The following ELAPOR1 variants were observed in gnomAD, a reference collection of about 807,000 sequenced individuals.
ELAPOR1 encodes endosome/lysosome-associated apoptosis and autophagy regulator 1.
Under a neutral mutation model 119.7 loss-of-function variants are expected in ELAPOR1, and 77 were observed. The observed-to-expected ratio is 0.64, with a 90% CI of 0.54 to 0.78. ELAPOR1 has a LOEUF of 0.78. ELAPOR1 is among the 30% of genes least tolerant of loss of function. The probability of loss-of-function intolerance (pLI) is 0.00; values close to 1 mark genes in which losing one functional copy is unlikely to be tolerated. For missense variants in ELAPOR1, 1,115 were observed against 1,270.4 expected, an observed-to-expected ratio of 0.88 and a Z score of 1.86; for synonymous variants, 481 against 487.2, an observed-to-expected ratio of 0.99 and a Z score of 0.17.
chr1:109,195,646 A>G (rs916744276), intron 15 of ELAPOR1, among the ~76,000 whole-genome samples: 3 of 152,232 alleles, frequency 2.0e-5, no homozygotes, highest in African/African-American at 4.8e-5. Context: ...GATAAAATCA[A>G]CTGTTTCTAG....
intron 18 of ELAPOR1, 86 bp downstream of exon 18, chr1:109,198,760 CAAAAAAG>C (rs1176038113): frequency 6.5e-6 from 8 of 1,223,534 alleles, no homozygotes; most frequent in African/African-American, 4.6e-5. Flanking sequence ...TGAAAAAGAG[CAAAAAAG>C]AAAAGAGTTT....
chr1:109,197,102 G>A (rs995267539), intron 15 of ELAPOR1, among the ~76,000 whole-genome samples: 9 of 147,014 alleles, frequency 6.1e-5, no homozygotes, highest in African/African-American at 2.3e-4. Flanking sequence ...AGGAGTTCAA[G>A]ACCAGCCTGA....
At chr1:109,174,122 C>T (rs1459742823) in intron 7 of ELAPOR1, among the ~76,000 whole-genome samples, 1 of 151,014 alleles carries the variant, frequency 6.6e-6, no homozygotes, top group Non-Finnish European at 1.5e-5. Flanking sequence ...AAGCAATCCT[C>T]CCGCCTCAGC....
Position 109,171,951 on chromosome 1 carries a change from C to G in ELAPOR1, c.553C>G (p.Gln185Glu). Residue 185 changes from glutamine (Q) to glutamate (E), a missense_variant, in exon 4 of 22, where the codon CAA becomes GAA. Gln to Glu is a conservative substitution (Grantham distance 29). Transcript: ENST00000369939. ...ACTGATGTACGCCGTCAACCTGAAG[C>G]AATCTGGCACCGTTAACTTCGAATA... is the stretch of plus-strand genomic sequence containing the variant. The part of the protein sequence containing the change: ...ATLMYAVNLK[Q>E]SGTVNFEYYY... The G allele has an allele frequency of 6.2e-7, 1 of 1,614,180 alleles. No individual in the cohort carries two copies. The highest frequency in any genetic ancestry group is 8.5e-7 in the Non-Finnish European group (1 of 1,180,014).
intron 1 of ELAPOR1, among the ~76,000 whole-genome samples, chr1:109,157,209 C>T (rs1192042409): frequency 3.3e-5 from 5 of 152,112 alleles, no homozygotes; most frequent in East Asian, 1.9e-4. Context: ...TCTCAAACAC[C>T]GGCAGCCTTG....
chr1:109,188,455 A>C, intron 9 of ELAPOR1, 101 bp downstream of exon 9: 1 of 1,354,122 alleles, frequency 7.4e-7, no homozygotes, highest in Non-Finnish European at 1.0e-6. Flanking sequence ...TGCCCTTCCA[A>C]GGGAGGCAGT....
rs1474149122 is a variant in ELAPOR1 at position 109,198,630 on chromosome 1, G to A, written c.2457G>A (p.Arg819=). Residue 819 remains arginine, a synonymous_variant, in exon 18 of 22, where the codon AGG becomes AGA. Coordinates refer to ENST00000369939, the MANE Select transcript of ELAPOR1 (RefSeq NM_020775.5). ...GGAGATCAACCACCATCCGCGTCAGGTGCAGTCCACAGAAAACTGTCCCTG... is the reference window on the plus strand; with the variant it reads ...GGAGATCAACCACCATCCGCGTCAGATGCAGTCCACAGAAAACTGTCCCTG... ...SSGRSTTIRV[R]CSPQKTVPGS... 2 of 1,613,858 alleles carry A rather than the reference G, an allele frequency of 1.2e-6. No homozygotes were observed. The highest frequency in any genetic ancestry group is 1.3e-5 in the African/African-American group (1 of 74,934).
At chr1:109,192,999 GT>G in intron 14 of ELAPOR1, 125 bp downstream of exon 14, 2 of 1,093,786 alleles carry the variant, frequency 1.8e-6, no homozygotes, top group Non-Finnish European at 2.6e-6. Flanking sequence ...ATACTCCTAG[GT>G]TGGAGTCCTG....
chr1:109,148,180 A>G (rs1650303128), intron 1 of ELAPOR1, among the ~76,000 whole-genome samples: 2 of 134,964 alleles, frequency 1.5e-5, no homozygotes, highest in Admixed American at 7.6e-5. Context: ...ATTCTGTCAC[A>G]CAGGCTGGAG....
At chr1:109,176,762 G>A (rs1652317634) in intron 7 of ELAPOR1, among the ~76,000 whole-genome samples, 1 of 140,506 alleles carries the variant, frequency 7.1e-6, no homozygotes, top group Non-Finnish European at 1.5e-5. Context: ...GCCTTCCGCA[G>A]TGTTTGTGTC....
At chr1:109,186,840 T>A in intron 8 of ELAPOR1, 2 of 985,538 alleles carry the variant, frequency 2.0e-6, no homozygotes, top group Non-Finnish European at 2.4e-6. Flanking sequence ...CCGTGCTTGC[T>A]GCCTGAAAGC....
chr1:109,132,611 T>A (rs1422080111), intron 1 of ELAPOR1, among the ~76,000 whole-genome samples: 1 of 152,182 alleles, frequency 6.6e-6, no homozygotes, highest in East Asian at 1.9e-4. Flanking sequence ...TTCAGGGAAC[T>A]CTTCTGAGAC....
intron 15 of ELAPOR1, 56 bp from the exon 16 acceptor site, chr1:109,197,418 A>T (rs1653877790): frequency 8.6e-6 from 13 of 1,513,538 alleles, no homozygotes; most frequent in Non-Finnish European, 1.1e-5. Flanking sequence ...CCCTTCTGGG[A>T]ATTCCTCTGT....
rs112560387 is a variant in ELAPOR1, at chr1:109,191,188, C to T, written c.1440-178C>T. On this transcript the variant is annotated intron_variant, in intron 11 of 21. Transcript: ENST00000369939. ...ACCTCCATTTTACAGATAAGGAAAC[C>T]GTGGTTTGGCTAGGTCAAGGTCACA... Among the ~76,000 whole-genome samples, 1,175 of 152,112 alleles carry T rather than the reference C, an allele frequency of 7.7e-3. 8 individuals carry two copies. The highest frequency in any genetic ancestry group is 0.035 in the South Asian group (170 of 4,816).
chr1:109,132,543 A>G (rs1010223853), intron 1 of ELAPOR1, among the ~76,000 whole-genome samples: 1 of 152,206 alleles, frequency 6.6e-6, no homozygotes, highest in Admixed American at 6.5e-5. Flanking sequence ...CAGTGCTACA[A>G]AGAAAGGTAC....
At chr1:109,189,482 C>T in intron 10 of ELAPOR1, 110 bp from the exon 11 acceptor site, 1 of 989,114 alleles carries the variant, frequency 1.0e-6, no homozygotes, top group Non-Finnish European at 1.6e-6. Context: ...AGTGGTGGTT[C>T]TGGGCGCCTC....
chr1:109,173,888 A>G (rs1249554904), intron 7 of ELAPOR1, 51 bp downstream of exon 7: 3 of 1,587,440 alleles, frequency 1.9e-6, no homozygotes. Flanking sequence ...TACCACCAAA[A>G]CACACAAGGA....
At position 109,192,817 on chromosome 1, in the gene ELAPOR1, C is replaced by T. The variant is rs144700543; in HGVS notation, c.1890C>T (p.His630=). ...SCPTNTILKA[H]QPYGVQACVP... ...CCACTAACACAATTCTGAAAGCCCACCAGCCTTATGGTGTCCAGGCCTGTG... is the reference window on the plus strand; with the variant it reads ...CCACTAACACAATTCTGAAAGCCCATCAGCCTTATGGTGTCCAGGCCTGTG... Residue 630 remains histidine, a synonymous_variant, in exon 14 of 22, where the codon CAC becomes CAT. Transcript: ENST00000369939. 1.2e-6 allele frequency: 2 copies of T among 1,614,108 alleles called. No individual in the cohort carries two copies. Among genetic ancestry groups the T allele is most frequent in the African/African-American group, 2.7e-5 (2 of 75,032 alleles).
chr1:109,162,583 A>G (rs995294673), intron 2 of ELAPOR1, among the ~76,000 whole-genome samples: 3 of 152,158 alleles, frequency 2.0e-5, no homozygotes, highest in Non-Finnish European at 4.4e-5. Context: ...CTTTTCTACA[A>G]TTGGCAGCTG....
Sources: gnomAD v4.1 joint callset for allele counts (sites outside exome capture counted in the v4.1 genomes callset) on GRCh38, gnomAD v4.1.1 for gene constraint, MANE v1.5 for transcripts, NCBI Gene and HGNC (gene_info 2026-07-23, HGNC 2026-07-21) for gene names.